PLXNB2: variants seen among roughly 807,000 people sequenced by gnomAD.
PLXNB2 encodes plexin-B2.
In PLXNB2, 85 loss-of-function variants were observed where a neutral mutation model predicts 202.6. The observed-to-expected ratio is 0.42, with a 90% CI of 0.35 to 0.50. The LOEUF is 0.50. Ranked by LOEUF, PLXNB2 falls within the 20% of genes least tolerant of loss-of-function variation. The probability of loss-of-function intolerance (pLI) is 0.02; values close to 1 mark genes in which losing one functional copy is unlikely to be tolerated. For synonymous variants in PLXNB2, 1,239 were observed against 1,137.6 expected (o/e 1.09, Z -1.79); for missense variants, 2,063 against 2,586.2 (o/e 0.80, Z 4.39).
At chr22:50,282,940 G>C in intron 17 of PLXNB2, 59 bp from the exon 18 acceptor site, 1 of 1,559,880 alleles carries the variant, frequency 6.4e-7, no homozygotes, top group Non-Finnish European at 8.7e-7. Flanking sequence ...GCCCCAGCCC[G>C]ACCAGGCTGG....
intron 1 of PLXNB2, among the ~76,000 whole-genome samples, chr22:50,305,687 T>C (rs1449950234): frequency 2.6e-5 from 4 of 152,172 alleles, no homozygotes; most frequent in African/African-American, 7.2e-5. Context: ...CGCTCCTGCC[T>C]GCTCCTCCCT....
rs371348613 is a variant in PLXNB2, at chr22:50,289,080, G to A, written c.1131C>T (p.Asp377=). The stretch of plus-strand genomic sequence containing the variant: ...GCAGCACGGCTGTGCCTCTGAGCCC[G>A]TCGCGGCTGCCCAGCGGGTAGGGCA... The part of the protein sequence containing the change: ...EHLPYPLGSR[D]GLRGTAVLQR... The change falls in exon 4 of 37, where the codon GAC becomes GAT. Residue 377 remains aspartate, a synonymous_variant. Transcript: ENST00000359337. This position sits in a 1 kb window ranked among gnomAD's most constrained non-coding sequence, Gnocchi z 8.0. 2.9e-5 allele frequency: 47 copies of A among 1,600,420 alleles called. No homozygotes were observed. Among genetic ancestry groups the A allele is most frequent in the East Asian group, 2.5e-4 (11 of 44,568 alleles).
chr22:50,286,809 A>G (rs1270382508), intron 8 of PLXNB2, among the ~76,000 whole-genome samples: 3 of 152,126 alleles, frequency 2.0e-5, no homozygotes, highest in Admixed American at 1.3e-4. Flanking sequence ...GTCTGCCGAG[A>G]CGACGGGGCC....
intron 1 of PLXNB2, among the ~76,000 whole-genome samples, chr22:50,304,689 C>A (rs2067825476): frequency 6.6e-6 from 1 of 151,824 alleles, no homozygotes; most frequent in African/African-American, 2.4e-5. Context: ...CCCTCCCCAT[C>A]GTGTAATTAG....
In PLXNB2 at chr22:50,286,217, G is replaced by A; in HGVS notation, c.1833C>T (p.Pro611=). 2 of 1,613,282 alleles carry A rather than the reference G, an allele frequency of 1.2e-6. No homozygotes were observed. The highest frequency in any genetic ancestry group is 1.7e-6 in the Non-Finnish European group (2 of 1,179,932). Reference sequence around the variant, plus strand: ...TCATGGCCTGGCGGCAGTCGTAGAAGGGGTACTGGTAGGACGTGAGGAAGA... The same window carrying A: ...TCATGGCCTGGCGGCAGTCGTAGAAAGGGTACTGGTAGGACGTGAGGAAGA... ...GNIFLTSYQY[P]FYDCRQAMSL... is the part of the protein sequence containing the mutation. The change falls in exon 9 of 37, where the codon CCC becomes CCT. Residue 611 remains proline (P), a synonymous_variant. Coordinates refer to ENST00000359337, the MANE Select transcript of PLXNB2 (RefSeq NM_012401.4).
Position 50,281,474 on chromosome 22 carries a change from A to T in PLXNB2, c.3548T>A (p.Val1183Glu). The T allele has an allele frequency of 1.2e-6, 2 of 1,612,146 alleles. No homozygotes were observed. Among genetic ancestry groups the T allele is most frequent in the Non-Finnish European group, 1.7e-6 (2 of 1,179,720 alleles). ...FIVKFGSREW[V>E]LGRVEYDTRV... is the part of the protein sequence containing the mutation. ...TGTGTCGTACTCCACGCGGCCCAGCACCCACTCGCGAGAGCCGAACTTCAC... is the reference window on the plus strand; with the variant it reads ...TGTGTCGTACTCCACGCGGCCCAGCTCCCACTCGCGAGAGCCGAACTTCAC... Residue 1183 changes from valine (V) to glutamate (E), a missense_variant, in exon 22 of 37, where the codon GTG (valine) becomes GAG (glutamate). This residue lies in a region of PLXNB2 where 760 missense variants were observed against 1,109.4 expected (regional missense o/e 0.69). Coordinates refer to ENST00000359337, the MANE Select transcript of PLXNB2 (RefSeq NM_012401.4).
intron 1 of PLXNB2, among the ~76,000 whole-genome samples, chr22:50,305,003 CTGAG>C (rs2067835470): frequency 6.6e-6 from 1 of 152,228 alleles, no homozygotes; most frequent in Non-Finnish European, 1.5e-5. Flanking sequence ...GAGGCATGAG[CTGAG>C]TGAGAACTCC....
At chr22:50,294,399 C>T (rs1006870274) in intron 2 of PLXNB2, among the ~76,000 whole-genome samples, 1 of 152,044 alleles carries the variant, frequency 6.6e-6, no homozygotes, top group African/African-American at 2.4e-5. Flanking sequence ...CACCACACCC[C>T]CAACGCTCCA....
intron 16 of PLXNB2, 41 bp from the exon 17 acceptor site, chr22:50,283,227 AGGACGCCCTCGGTCCTGGGCT>A (rs763015050): frequency 1.9e-6 from 3 of 1,599,346 alleles, no homozygotes; most frequent in Non-Finnish European, 2.6e-6. Context: ...GACGGGGCAC[AGGACGCCCTCGGTCCTGGGCT>A]GGATGGTAAC....
At chr22:50,276,489 C>T in intron 35 of PLXNB2, 140 bp downstream of exon 35, 1 of 715,786 alleles carries the variant, frequency 1.4e-6, no homozygotes, top group Non-Finnish European at 2.5e-6. Context: ...CTTCACATGG[C>T]CGAGCCCACC....
chr22:50,287,243 G>A lies in PLXNB2; in HGVS notation c.1630C>T (p.Leu544Phe), dbSNP rs1353922189. ...QGEVQLTVSP[L>F]PALSEEDELL... The stretch of plus-strand genomic sequence containing the variant: ...TCGTCCTCCTCGCTCAGGGCAGGGA[G>A]GGGGCTGACGGTCAGCTGCACCTGA... Residue 544 changes from leucine (L) to phenylalanine (F), a missense_variant, in exon 8 of 37, where the codon CTC becomes TTC. This residue lies in a region of PLXNB2 where 1,303 missense variants were observed against 1,476.8 expected (regional missense o/e 0.88). Transcript: ENST00000359337. 2.0e-6 allele frequency: 3 copies of A among 1,530,576 alleles called. No individual in the cohort carries two copies. The highest frequency in any genetic ancestry group is 2.6e-6 in the Non-Finnish European group (3 of 1,135,710). 94.8% of individuals were successfully genotyped at this position (1,530,576 alleles called of 1,614,324 possible).
intron 18 of PLXNB2, 25 bp downstream of exon 18, chr22:50,282,686 G>T (rs552582710): frequency 7.8e-6 from 12 of 1,547,928 alleles, no homozygotes; most frequent in South Asian, 5.8e-5. Context: ...GGGAGCAGAG[G>T]GGGGCGGGGG....
intron 35 of PLXNB2, 99 bp downstream of exon 35, chr22:50,276,530 C>A (rs2065608905): frequency 1.9e-6 from 2 of 1,053,636 alleles, no homozygotes; most frequent in Admixed American, 3.4e-5. Context: ...CTCTCCCCCT[C>A]AGCACCACAT....
chr22:50,283,780 G>A, intron 14 of PLXNB2, 30 bp from the exon 15 acceptor site: 3 of 1,613,024 alleles, frequency 1.9e-6, no homozygotes, highest in South Asian at 1.1e-5. Context: ...TGAGCAGGGA[G>A]GGGCTCATGC....
In PLXNB2 at chr22:50,281,382, C is replaced by T. The variant is rs370284603; in HGVS notation, c.3640G>A (p.Ala1214Thr). 3.2e-5 allele frequency: 51 copies of T among 1,612,094 alleles called. No individual in the cohort carries two copies. Among genetic ancestry groups the T allele is most frequent in the Middle Eastern group, 3.3e-4 (2 of 6,084 alleles). The change falls in exon 22 of 37, where the codon GCG becomes ACG. Residue 1214 changes from alanine (A) to threonine (T), a missense_variant. Around this residue, in one of 2 missense-constraint regions of PLXNB2, gnomAD observed 760 missense variants for 1,109.4 expected, o/e 0.69. Coordinates refer to ENST00000359337, the MANE Select transcript of PLXNB2 (RefSeq NM_012401.4). ...CACCAGTAGCAGTAGACAGACACCG[C>T]GATGACGACCACCATGGGCACGATG... Reference protein sequence around the residue: ...LVIVPMVVVIAVSVYCYWRKS... With the variant: ...LVIVPMVVVITVSVYCYWRKS...
At chr22:50,306,075 G>A (rs887082658) in intron 1 of PLXNB2, among the ~76,000 whole-genome samples, 2 of 152,220 alleles carry the variant, frequency 1.3e-5, no homozygotes, top group African/African-American at 4.8e-5. Flanking sequence ...GCAGCCTCCC[G>A]CTTCGGGTGA....
chr22:50,278,867 T>C lies in PLXNB2; in HGVS notation c.4534A>G (p.Ser1512Gly). 6.2e-7 allele frequency: 1 copy of C among 1,611,782 alleles called. No homozygotes were observed. The highest frequency in any genetic ancestry group is 1.1e-5 in the South Asian group (1 of 91,004). ...GGCCGGCACTCACCCAGGACCACGC[T>C]GTCTGGCCTGGGCCAGCAGGAGCAG... ...QPCSCWPRPD[S>G]VVLEWRPGST... The change falls in exon 28 of 37, where the codon AGC (serine) becomes GGC (glycine). Residue 1512 changes from serine to glycine, a missense_variant. This residue lies in a region of PLXNB2 where 760 missense variants were observed against 1,109.4 expected (regional missense o/e 0.69). Transcript: ENST00000359337.
Position 50,278,024 on chromosome 22 carries a change from G to A in PLXNB2, c.4888-11C>T. The A allele has an allele frequency of 2.5e-6, 4 of 1,609,388 alleles. No individual in the cohort carries two copies. Among genetic ancestry groups the A allele is most frequent in the Admixed American group, 1.7e-5 (1 of 59,978 alleles). On this transcript the variant is annotated splice_polypyrimidine_tract_variant and intron_variant, in intron 31 of 36. Coordinates refer to ENST00000359337, the MANE Select transcript of PLXNB2 (RefSeq NM_012401.4). ...CTGCTGCAGTGTGCCCTGTGGGGGG[G>A]AGGGTCTCAGCGTGACGCCGTGGGC...
chr22:50,286,086 G>A lies in PLXNB2; in HGVS notation c.1890C>T (p.Cys630=), dbSNP rs200960197. The change falls in exon 10 of 37, where the codon TGC becomes TGT. Residue 630 remains cysteine, a synonymous_variant. Coordinates refer to ENST00000359337, the MANE Select transcript of PLXNB2 (RefSeq NM_012401.4). ...ACTGGCAGGTCCAGCGGTTGCTCACGCAGGAGATGCACCTGCATCCAGAGG... is the reference window on the plus strand; with the variant it reads ...ACTGGCAGGTCCAGCGGTTGCTCACACAGGAGATGCACCTGCATCCAGAGG... ...SLEENLPCIS[C]VSNRWTCQWD... 406 of 1,611,948 alleles carry A rather than the reference G, an allele frequency of 2.5e-4. No individual in the cohort carries two copies. The highest frequency in any genetic ancestry group is 8.9e-4 in the African/African-American group (67 of 75,074).
Sources: gnomAD v4.1 joint callset for allele counts (sites outside exome capture counted in the v4.1 genomes callset) on GRCh38, gnomAD v4.1.1 for gene constraint, gnomAD v4.1.1 regional missense constraint, Gnocchi (gnomAD v3.1) non-coding constraint, MANE v1.5 for transcripts, NCBI Gene and HGNC (gene_info 2026-07-23, HGNC 2026-07-21) for gene names.